Variants in FAM161A observed in about 807,000 individuals in gnomAD.
The protein encoded by FAM161A is FAM161 centrosomal protein A, also known as protein FAM161A.
FAM161A carries 57 observed loss-of-function variants against 70.9 expected under a neutral mutation model. The ratio of observed to expected loss-of-function variants is 0.80; its 90% CI spans 0.65 to 1.00. The LOEUF (loss-of-function observed/expected upper bound fraction) is 1.00, where lower values mean the gene tolerates loss of function less well. Among genes scored for constraint, FAM161A ranks in the 50% least tolerant of loss-of-function variants. The pLI is 0.00. For synonymous variants in FAM161A, 299 were observed against 295.7 expected (o/e 1.01, Z -0.12); for missense variants, 880 against 836.0 (o/e 1.05, Z -0.65).
At chr2:61,816,756 G>A in the FAM161A span, among the ~76,000 whole-genome samples, 3 of 152,112 alleles carry the variant, frequency 2.0e-5, no homozygotes, top group Non-Finnish European at 2.9e-5. Context: ...TGTGAGCCAC[G>A]GCCCTGGCCT....
chr2:61,801,533 C>T, the FAM161A span, among the ~76,000 whole-genome samples: 2 of 149,062 alleles, frequency 1.3e-5, no homozygotes, highest in Admixed American at 1.3e-4. Context: ...TTAAGTTCTG[C>T]AGATGCTTTT....
Position 61,834,112 on chromosome 2 carries a change from C to G in FAM161A, c.1851+1898G>C, listed in dbSNP as rs79684588. 7.2e-5 allele frequency among the ~76,000 whole-genome samples: 11 copies of G among 152,280 alleles called. No individual in the cohort carries two copies. The East Asian group carries it at 2.1e-3, about 29-fold the overall frequency. On this transcript the variant is annotated intron_variant, in intron 5 of 6. Coordinates refer to ENST00000404929, the MANE Select transcript of FAM161A (RefSeq NM_001201543.2). Reference sequence around the variant, plus strand: ...AAGACATGGTAACAACCCAGCCCATCAGCAGTGGATTGGATACAGAAAATA... The same window carrying G: ...AAGACATGGTAACAACCCAGCCCATGAGCAGTGGATTGGATACAGAAAATA...
At position 61,840,238 on chromosome 2, in the gene FAM161A, T is replaced by G. The variant is rs370349514; in HGVS notation, c.766A>C (p.Met256Leu). The G allele has an allele frequency of 6.2e-7, 1 of 1,614,044 alleles. No individual in the cohort carries two copies. The highest frequency in any genetic ancestry group is 8.5e-7 in the Non-Finnish European group (1 of 1,179,986). Reference sequence around the variant, plus strand: ...ATTTCGATATCTGATTTAGATTTCATGGACTCTTCTTTTTTCTTCTGTTCT... The same window carrying G: ...ATTTCGATATCTGATTTAGATTTCAGGGACTCTTCTTTTTTCTTCTGTTCT... ...IREQKKKEES[M>L]KSKSDIEMVH... The change falls in exon 3 of 7, where the codon ATG (methionine) becomes CTG (leucine). Residue 256 changes from methionine to leucine, a missense_variant. Coordinates refer to ENST00000404929, the MANE Select transcript of FAM161A (RefSeq NM_001201543.2).
chr2:61,832,242 C>CAAA (rs752145480), intron 5 of FAM161A, among the ~76,000 whole-genome samples: 23 of 137,324 alleles, frequency 1.7e-4, no homozygotes, highest in Admixed American at 7.6e-4. Flanking sequence ...GACCCTGTCA[C>CAAA]ACACACACAA....
rs766754945 is a variant in FAM161A, at chr2:61,825,032, C to T, written c.*1423G>A. Reference sequence around the variant, plus strand: ...GAAGAAAATTACAAGTAAACATTTGCCCCTGATGGAGAAAAATGACCTTAT... The same window carrying T: ...GAAGAAAATTACAAGTAAACATTTGTCCCTGATGGAGAAAAATGACCTTAT... On this transcript the variant is annotated 3_prime_UTR_variant, in exon 7 of 7. Coordinates refer to ENST00000404929, the MANE Select transcript of FAM161A (RefSeq NM_001201543.2). 2 of 453,670 alleles carry T rather than the reference C, an allele frequency of 4.4e-6. No homozygotes were observed. Among genetic ancestry groups the T allele is most frequent in the South Asian group, 1.6e-5 (1 of 64,228 alleles). The allele number at this position is 453,670 out of a possible 1,614,324, so 28.1% of individuals were successfully genotyped here. A position where few individuals can be genotyped will look rare whatever the true frequency, so the allele number is the denominator to read the frequency against.
At chr2:61,821,752 G>GATTTT (rs949379350), downstream of FAM161A, among the ~76,000 whole-genome samples, 1 of 151,692 alleles carries the variant, frequency 6.6e-6, no homozygotes, top group African/African-American at 2.4e-5. Context: ...CAGAATATTG[G>GATTTT]ATTTTATTTT....
rs201088869 is a variant in FAM161A at position 61,840,510 on chromosome 2, T to C, written c.494A>G (p.Gln165Arg). The C allele has an allele frequency of 9.3e-5, 150 of 1,613,918 alleles. No individual in the cohort carries two copies. Among genetic ancestry groups the C allele is most frequent in the Admixed American group, 2.0e-4 (12 of 60,004 alleles). The change falls in exon 3 of 7, where the codon CAG (glutamine) becomes CGG (arginine). Residue 165 changes from glutamine to arginine, a missense_variant. Gln to Arg is a conservative substitution (Grantham distance 43). Coordinates refer to ENST00000404929, the MANE Select transcript of FAM161A (RefSeq NM_001201543.2). ...MTSFSEPDLG[Q>R]SSSLYVSSSE... ...GGAGGACACATACAAGGAGGAAGAC[T>C]GGCCTAAATCAGGCTCTGAAAATGA... is the stretch of plus-strand genomic sequence containing the variant.
At chr2:61,807,205 G>C in the FAM161A span, among the ~76,000 whole-genome samples, 3 of 151,794 alleles carry the variant, frequency 2.0e-5, no homozygotes, top group South Asian at 6.2e-4. Flanking sequence ...AAACTCATCA[G>C]GTAACAAAAG....
the FAM161A span, among the ~76,000 whole-genome samples, chr2:61,801,748 G>C: frequency 6.6e-6 from 1 of 151,562 alleles, no homozygotes; most frequent in Non-Finnish European, 1.5e-5. Context: ...TTTAGTAGAG[G>C]TGGGGTTTCA....
At chr2:61,823,362 CATATATATATATATAT>C (rs59631970), downstream of FAM161A, among the ~76,000 whole-genome samples, 1 of 119,990 alleles carries the variant, frequency 8.3e-6, no homozygotes, top group Admixed American at 8.5e-5. Flanking sequence ...AATTTTCCAT[CATATATATATATATAT>C]ATATATATTG....
chr2:61,851,690 T>C (rs1673502397), intron 1 of FAM161A, among the ~76,000 whole-genome samples: 1 of 151,960 alleles, frequency 6.6e-6, no homozygotes, highest in African/African-American at 2.4e-5. Flanking sequence ...TGGACCAACA[T>C]CTCTGACTAA....
chr2:61,842,281 A>C lies in FAM161A; in HGVS notation c.263T>G (p.Ile88Ser). ...GAAATACTCCTCATTAGAGTGGTGA[A>C]TATCAGGAAAGTTCACAAAGTCCTC... Reference protein sequence around the residue: ...SYEDFVNFPDIHHSNEEYFKK... With the variant: ...SYEDFVNFPDSHHSNEEYFKK... Residue 88 changes from isoleucine to serine, a missense_variant, in exon 2 of 7, where the codon ATT becomes AGT. Transcript: ENST00000404929. 6.2e-7 allele frequency: 1 copy of C among 1,612,682 alleles called. No individual in the cohort carries two copies. Among genetic ancestry groups the C allele is most frequent in the Non-Finnish European group, 8.5e-7 (1 of 1,179,078 alleles).
chr2:61,839,777 G>C lies in FAM161A; in HGVS notation c.1227C>G (p.Pro409=), dbSNP rs765911711. 2 of 1,614,096 alleles carry C rather than the reference G, an allele frequency of 1.2e-6. No homozygotes were observed. The highest frequency in any genetic ancestry group is 3.3e-5 in the Admixed American group (2 of 60,014). The change falls in exon 3 of 7, where the codon CCC becomes CCG. Residue 409 remains proline (P), a synonymous_variant. Coordinates refer to ENST00000404929, the MANE Select transcript of FAM161A (RefSeq NM_001201543.2). ...PCRSACGCRN[P]RCPEQAVKLK... is the part of the protein sequence containing the mutation. ...ACTTTACAGCCTGTTCAGGACACCT[G>C]GGGTTCCTGCATCCACAAGCTGACC...
chr2:61,843,952 G>A (rs1410451325), intron 1 of FAM161A, among the ~76,000 whole-genome samples: 1 of 152,042 alleles, frequency 6.6e-6, no homozygotes, highest in Non-Finnish European at 1.5e-5. Flanking sequence ...GACAATCCTG[G>A]CTAACATGGC....
the FAM161A span, among the ~76,000 whole-genome samples, chr2:61,813,547 C>CA: frequency 0.051 from 2,835 of 55,642 alleles, 74 homozygotes; most frequent in Non-Finnish European, 0.067. Flanking sequence ...GACTCCACCT[C>CA]AAAAAAAAAA....
chr2:61,820,985 A>G (rs113978644), downstream of FAM161A, among the ~76,000 whole-genome samples: 1,925 of 152,164 alleles, frequency 0.013, 31 homozygotes, highest in African/African-American at 0.043. Context: ...CTCTATTAAC[A>G]TTTATATTTT....
rs1442927125 is a variant in FAM161A at position 61,840,326 on chromosome 2, C to T, written c.678G>A (p.Arg226=). The T allele has an allele frequency of 1.2e-6, 2 of 1,613,924 alleles. No individual in the cohort carries two copies. The highest frequency in any genetic ancestry group is 4.5e-5 in the East Asian group (2 of 44,892). ...TGGGCACCCATTCTTTTCGTTTCTTCCTTCTTTTTTCAGCTGCATGGAAGC... is the reference window on the plus strand; with the variant it reads ...TGGGCACCCATTCTTTTCGTTTCTTTCTTCTTTTTTCAGCTGCATGGAAGC... ...DTGFHAAEKR[R]KKRKEWVPTI... The change falls in exon 3 of 7, where the codon AGG becomes AGA. Residue 226 remains arginine (R), a synonymous_variant. Transcript: ENST00000404929.
chr2:61,821,266 T>C (rs1672196881), downstream of FAM161A, among the ~76,000 whole-genome samples: 1 of 152,138 alleles, frequency 6.6e-6, no homozygotes, highest in East Asian at 1.9e-4. Flanking sequence ...TTGGCCAGGC[T>C]GGTCTCAAAC....
At position 61,840,386 on chromosome 2, in the gene FAM161A, A is replaced by G. The variant is rs1270422145; in HGVS notation, c.618T>C (p.Phe206=). ...TACAGCGAATATAATCCTCAACACAAAAGTCTGTCCACATATTGTTGATGA... is the reference window on the plus strand; with the variant it reads ...TACAGCGAATATAATCCTCAACACAGAAGTCTGTCCACATATTGTTGATGA... The part of the protein sequence containing the change: ...KELINNMWTD[F]CVEDYIRCKD... The change falls in exon 3 of 7, where the codon TTT becomes TTC. Residue 206 remains phenylalanine, a synonymous_variant. Coordinates refer to ENST00000404929, the MANE Select transcript of FAM161A (RefSeq NM_001201543.2). 1.3e-5 allele frequency: 21 copies of G among 1,614,068 alleles called. No individual in the cohort carries two copies. Among genetic ancestry groups the G allele is most frequent in the Non-Finnish European group, 1.7e-5 (20 of 1,180,004 alleles).
Sources: gnomAD v4.1 joint callset for allele counts (sites outside exome capture counted in the v4.1 genomes callset) on GRCh38, gnomAD v4.1.1 for gene constraint, MANE v1.5 for transcripts, NCBI Gene and HGNC (gene_info 2026-07-23, HGNC 2026-07-21) for gene names.